ABLIM2: variants seen among roughly 807,000 people sequenced by gnomAD.
The protein encoded by ABLIM2 is actin-binding LIM protein 2.
Under a neutral mutation model 97.7 loss-of-function variants are expected in ABLIM2, and 53 were observed. The ratio of observed to expected loss-of-function variants is 0.54; its 90% confidence interval spans 0.44 to 0.68. The LOEUF is 0.68. Among genes scored for constraint, ABLIM2 ranks in the 30% least tolerant of loss-of-function variants. The pLI is 0.00. For synonymous variants in ABLIM2, 361 were observed against 345.8 expected (o/e 1.04, Z -0.49); for missense variants, 835 against 867.2 (o/e 0.96, Z 0.47).
In ABLIM2 at chr4:8,046,258, G is replaced by A. The variant is rs990171853; in HGVS notation, c.823-1017C>T. On this transcript the variant is annotated intron_variant, in intron 8 of 20. Coordinates refer to ENST00000447017, the MANE Select transcript of ABLIM2 (RefSeq NM_001130083.2). The surrounding 1 kb of genome is among the most constrained non-coding windows in gnomAD (Gnocchi z 4.4). ...CCACCTCAGCCCCCTCCAGCCCTGC[G>A]GACACACTCCTTCTGTGGTCCCCAC... Among the ~76,000 whole-genome samples the A allele has an allele frequency of 2.6e-5, 4 of 151,796 alleles. No individual in the cohort carries two copies. The highest frequency in any genetic ancestry group is 1.9e-4 in the East Asian group (1 of 5,150).
In ABLIM2 at chr4:8,110,921, C is replaced by T. The variant is rs560111929; in HGVS notation, c.11-4284G>A. 1.4e-4 allele frequency among the ~76,000 whole-genome samples: 21 copies of T among 152,318 alleles called. No individual in the cohort carries two copies. The East Asian group carries it at 3.7e-3, about 27-fold the overall frequency. On this transcript the variant is annotated intron_variant, in intron 1 of 20. Transcript: ENST00000447017. ...GAACACAGGTAGGTAAGTGGGTATG[C>T]GCTTGCCTCCCAAGAGGGTTCATTC... is the stretch of plus-strand genomic sequence containing the variant.
At chr4:8,102,708 C>T (rs1243788457) in intron 2 of ABLIM2, among the ~76,000 whole-genome samples, 5 of 152,210 alleles carry the variant, frequency 3.3e-5, no homozygotes, top group African/African-American at 1.2e-4. Flanking sequence ...AACTGAGGCA[C>T]AAGTAAGTGC....
intron 11 of ABLIM2, among the ~76,000 whole-genome samples, chr4:8,028,947 A>G (rs1779131454): frequency 6.6e-6 from 1 of 152,282 alleles, no homozygotes; most frequent in Non-Finnish European, 1.5e-5. Flanking sequence ...GCAGCTGGCC[A>G]GGAAGGAAGC....
intron 6 of ABLIM2, chr4:8,066,388 AG>A (rs1807617340): frequency 1.1e-5 from 1 of 89,394 alleles, no homozygotes; most frequent in Non-Finnish European, 2.4e-5. Flanking sequence ...GAAGGAAGGA[AG>A]GAAGGAAGGA....
chr4:8,148,194 C>T lies in ABLIM2; in HGVS notation c.10+10486G>A, dbSNP rs1561637606. On this transcript the variant is annotated intron_variant, in intron 1 of 20. Coordinates refer to ENST00000447017, the MANE Select transcript of ABLIM2 (RefSeq NM_001130083.2). The surrounding 1 kb of genome is among the most constrained non-coding windows in gnomAD (Gnocchi z 6.7). ...GAGGGAGAAAAGGAAGACGTGGCGG[C>T]GGTGCAGCAGAAGCTCTCCTGTGGG... 2.6e-5 allele frequency among the ~76,000 whole-genome samples: 4 copies of T among 152,298 alleles called. No homozygotes were observed. The highest frequency in any genetic ancestry group is 4.8e-5 in the African/African-American group (2 of 41,568).
chr4:8,097,934 A>C (rs755202737), intron 2 of ABLIM2, among the ~76,000 whole-genome samples: 6 of 152,094 alleles, frequency 3.9e-5, no homozygotes, highest in African/African-American at 7.2e-5. Context: ...TTTTCCCAAC[A>C]CACACCCGGC....
chr4:7,972,684 G>A (rs1729094307), intron 20 of ABLIM2, among the ~76,000 whole-genome samples: 1 of 152,172 alleles, frequency 6.6e-6, no homozygotes, highest in African/African-American at 2.4e-5. Flanking sequence ...CACTGTCCTG[G>A]CCTACGAGGC....
At chr4:8,157,538 G>A (rs1271152165) in intron 1 of ABLIM2, among the ~76,000 whole-genome samples, 1 of 152,222 alleles carries the variant, frequency 6.6e-6, no homozygotes, top group Non-Finnish European at 1.5e-5. Context: ...GGATTGGAGG[G>A]GGAGGGAGAC....
intron 14 of ABLIM2, among the ~76,000 whole-genome samples, chr4:8,013,523 C>A (rs927706245): frequency 4.6e-5 from 7 of 152,086 alleles, no homozygotes; most frequent in Non-Finnish European, 7.4e-5. Context: ...TGCGCCCAGC[C>A]CTTGGGTAAA....
At position 7,966,685 on chromosome 4, in the gene ABLIM2, A is replaced by C; in HGVS notation, c.*305T>G. On this transcript the variant is annotated 3_prime_UTR_variant, in exon 21 of 21. Transcript: ENST00000447017. ...CCAGGGCACCTCGAGAACGCTGGGA[A>C]GGTGGGCTGGGCTGCAGCCACCTGT... The C allele has an allele frequency of 1.5e-5, 5 of 328,464 alleles. No individual in the cohort carries two copies. The highest frequency in any genetic ancestry group is 5.5e-5 in the East Asian group (1 of 18,040). The allele number at this position is 328,464 out of a possible 1,614,324, so 20.3% of individuals were successfully genotyped here.
chr4:7,985,612 G>A (rs1191246461), intron 17 of ABLIM2, among the ~76,000 whole-genome samples: 1 of 152,166 alleles, frequency 6.6e-6, no homozygotes. Flanking sequence ...GCGTGTGACT[G>A]TTTCAAAGGT....
At position 8,135,326 on chromosome 4, in the gene ABLIM2, T is replaced by C. The variant is rs10019841; in HGVS notation, c.10+23354A>G. Among the ~76,000 whole-genome samples the C allele has an allele frequency of 5.4e-3, 825 of 152,264 alleles. 3 individuals are homozygous for C. The highest frequency in any genetic ancestry group is 0.019 in the African/African-American group (793 of 41,540). On this transcript the variant is annotated intron_variant, in intron 1 of 20. Coordinates refer to ENST00000447017, the MANE Select transcript of ABLIM2 (RefSeq NM_001130083.2). The stretch of plus-strand genomic sequence containing the variant: ...CAGAAAGTGGACATTGCACAGGCGA[T>C]GTTTTGCTATCGATAGGTACTAATG...
chr4:7,981,170 C>T (rs780779090), intron 20 of ABLIM2, among the ~76,000 whole-genome samples: 2 of 151,894 alleles, frequency 1.3e-5, no homozygotes, highest in Non-Finnish European at 2.9e-5. Context: ...GTCTCGGTCT[C>T]CTGACCTCAT....
intron 1 of ABLIM2, among the ~76,000 whole-genome samples, chr4:8,152,960 C>T (rs1000049447): frequency 1.3e-5 from 2 of 152,108 alleles, no homozygotes; most frequent in African/African-American, 2.4e-5. Flanking sequence ...TTTACGGAGC[C>T]CTACCCAGGC....
chr4:8,078,782 G>A (rs901186278), intron 5 of ABLIM2, among the ~76,000 whole-genome samples: 1 of 152,214 alleles, frequency 6.6e-6, no homozygotes, highest in Non-Finnish European at 1.5e-5. Flanking sequence ...AGAATGGCAG[G>A]CACTCTCCAA....
intron 6 of ABLIM2, among the ~76,000 whole-genome samples, chr4:8,066,318 A>G (rs1223166682): frequency 3.5e-5 from 5 of 142,182 alleles, no homozygotes; most frequent in African/African-American, 1.3e-4. Flanking sequence ...AAAAAAAAAA[A>G]AAAGAAAAAA....
In ABLIM2 at chr4:8,044,845, C is replaced by T. The variant is rs1206546196; in HGVS notation, c.900+319G>A. On this transcript the variant is annotated intron_variant, in intron 9 of 20. Transcript: ENST00000447017. The surrounding 1 kb of genome is among the most constrained non-coding windows in gnomAD (Gnocchi z 4.4). ...CGCCTGGGTGTCTGGCAAGCCCCAA[C>T]TGTCGGCTGTTGATGTGACGTGTCT... Among the ~76,000 whole-genome samples, 1 of 152,202 alleles carries T rather than the reference C, an allele frequency of 6.6e-6. No homozygotes were observed. Among genetic ancestry groups the T allele is most frequent in the Non-Finnish European group, 1.5e-5 (1 of 68,046 alleles).
chr4:7,979,876 G>A (rs944614506), intron 20 of ABLIM2, among the ~76,000 whole-genome samples: 2 of 152,180 alleles, frequency 1.3e-5, no homozygotes, highest in Admixed American at 1.3e-4. Flanking sequence ...GGGCAGAGAT[G>A]GGGCTTTTTC....
At chr4:8,017,621 G>T (rs1329325427) in intron 14 of ABLIM2, among the ~76,000 whole-genome samples, 1 of 152,056 alleles carries the variant, frequency 6.6e-6, no homozygotes. Flanking sequence ...AAAGAATTTT[G>T]GTCCTTGCTT....
Sources: allele counts gnomAD v4.1 joint callset (sites outside exome capture counted in the v4.1 genomes callset), GRCh38; gene constraint gnomAD v4.1.1; non-coding constraint Gnocchi (gnomAD v3.1); transcripts MANE v1.5; gene names NCBI Gene and HGNC (gene_info 2026-07-23, HGNC 2026-07-21).